TMED3: variants seen among roughly 807,000 people sequenced by gnomAD.
TMED3 encodes transmembrane emp24 domain-containing protein 3.
TMED3 carries 9 observed loss-of-function variants against 15.0 expected under a neutral mutation model. That is an observed-to-expected ratio of 0.60 (90% CI 0.36 to 1.04). The LOEUF is 1.04. Ranked by LOEUF, TMED3 falls within the 50% of genes least tolerant of loss-of-function variation. The probability of loss-of-function intolerance (pLI) is 0.01; values close to 1 mark genes in which losing one functional copy is unlikely to be tolerated. For missense variants in TMED3, 267 were observed against 278.9 expected (o/e 0.96, Z 0.30); for synonymous variants, 117 against 121.4 (o/e 0.96, Z 0.24).
chr15:79,392,859 A>G (rs895344576), intron 2 of TMED3, among the ~76,000 whole-genome samples: 2 of 152,210 alleles, frequency 1.3e-5, no homozygotes, highest in Non-Finnish European at 2.9e-5. Context: ...TTCCAGTGAC[A>G]CAAAGCTAAA....
At chr15:79,344,027 A>G (rs2141230177) in intron 2 of TMED3, among the ~76,000 whole-genome samples, 2 of 152,332 alleles carry the variant, frequency 1.3e-5, no homozygotes, top group Middle Eastern at 6.8e-3. Context: ...ATATGTAGAT[A>G]GAAGGTGAAA....
intron 2 of TMED3, among the ~76,000 whole-genome samples, chr15:79,401,394 A>G (rs4238540): frequency 0.99 from 150,788 of 152,340 alleles, 74,650 homozygotes; most frequent in Middle Eastern, 1. Flanking sequence ...GATGACAGAG[A>G]GTGCATAGGA....
chr15:79,367,814 T>G (rs1440658772), intron 2 of TMED3, among the ~76,000 whole-genome samples: 6 of 152,240 alleles, frequency 3.9e-5, no homozygotes, highest in Admixed American at 2.0e-4. Flanking sequence ...GTTAAATGTC[T>G]TGAAACAGGG....
chr15:79,331,371 G>A (rs188072956), intron 2 of TMED3, among the ~76,000 whole-genome samples: 41 of 151,216 alleles, frequency 2.7e-4, no homozygotes, highest in African/African-American at 1.0e-3. Context: ...AAGAATGAAA[G>A]TAGACCCTTA....
chr15:79,365,902 G>T (rs1374533906), intron 2 of TMED3, among the ~76,000 whole-genome samples: 1 of 152,148 alleles, frequency 6.6e-6, no homozygotes, highest in Non-Finnish European at 1.5e-5. Flanking sequence ...CCATTTGGTG[G>T]GGTCCGAGTT....
intron 2 of TMED3, among the ~76,000 whole-genome samples, chr15:79,404,381 G>A (rs990021730): frequency 2.6e-5 from 4 of 152,192 alleles, no homozygotes; most frequent in Admixed American, 6.5e-5. Context: ...TCACACTGAT[G>A]AGAGGGACCC....
chr15:79,328,406 C>T (rs2058795205), intron 2 of TMED3, among the ~76,000 whole-genome samples: 1 of 152,142 alleles, frequency 6.6e-6, no homozygotes, highest in Non-Finnish European at 1.5e-5. Flanking sequence ...AAAATATTAA[C>T]TAAAATTTAT....
At chr15:79,393,601 T>G (rs779297321) in intron 2 of TMED3, among the ~76,000 whole-genome samples, 59 of 152,246 alleles carry the variant, frequency 3.9e-4, no homozygotes, top group Non-Finnish European at 1.9e-4. Flanking sequence ...ATGATAGGTA[T>G]ATTATAGATT....
At position 79,313,778 on chromosome 15, in the gene TMED3, G is replaced by A. The variant is rs769925654; in HGVS notation, c.190G>A (p.Asp64Asn). 10 of 1,614,112 alleles carry A rather than the reference G, an allele frequency of 6.2e-6. No homozygotes were observed. Among genetic ancestry groups the A allele is most frequent in the East Asian group, 2.2e-5 (1 of 44,888 alleles). The change falls in exon 2 of 3, where the codon GAT (aspartate) becomes AAT (asparagine). Residue 64 changes from aspartate (D) to asparagine (N), a missense_variant. Physicochemically the swap from Asp to Asn is conservative, Grantham distance 23. Around this residue, in one of 3 missense-constraint regions of TMED3, gnomAD observed 69 missense variants for 106.8 expected, o/e 0.65. Coordinates refer to ENST00000299705, the MANE Select transcript of TMED3 (RefSeq NM_007364.4). ...DYQVITGGHYDVDCYVEDPQG... is the reference protein window; with the variant it reads ...DYQVITGGHYNVDCYVEDPQG... ...TCAGGTCATCACTGGAGGCCACTAC[G>A]ATGTTGACTGCTATGTAGAGGACCC...
At chr15:79,345,110 G>A (rs764244717) in intron 2 of TMED3, among the ~76,000 whole-genome samples, 1 of 152,090 alleles carries the variant, frequency 6.6e-6, no homozygotes, top group Non-Finnish European at 1.5e-5. Flanking sequence ...TCCAGACAGG[G>A]AAGAAAAATA....
chr15:79,375,234 C>T (rs1893404396), intron 2 of TMED3, among the ~76,000 whole-genome samples: 1 of 152,108 alleles, frequency 6.6e-6, no homozygotes, highest in Non-Finnish European at 1.5e-5. Flanking sequence ...AGGGTCTGGT[C>T]TGTCCCATGC....
At chr15:79,401,772 A>G (rs1159364266) in intron 2 of TMED3, among the ~76,000 whole-genome samples, 1 of 152,230 alleles carries the variant, frequency 6.6e-6, no homozygotes, top group East Asian at 1.9e-4. Context: ...AGAATCAGAA[A>G]AGAAGATTTT....
chr15:79,324,224 C>T (rs1247689478), downstream of TMED3, among the ~76,000 whole-genome samples: 1 of 152,210 alleles, frequency 6.6e-6, no homozygotes, highest in African/African-American at 2.4e-5. Flanking sequence ...ATCTCCTGAC[C>T]TCGTGATCCG....
intron 2 of TMED3, chr15:79,314,647 G>C: frequency 4.7e-6 from 2 of 428,052 alleles, no homozygotes; most frequent in Non-Finnish European, 9.7e-6. Context: ...ACCTGCTCAT[G>C]TCCCATGGGT....
chr15:79,319,845 A>G (rs1424304291), intron 2 of TMED3, among the ~76,000 whole-genome samples: 1 of 152,246 alleles, frequency 6.6e-6, no homozygotes, highest in African/African-American at 2.4e-5. Context: ...TCTGCATATC[A>G]GAGACTTTTA....
chr15:79,318,213 TG>T (rs10708527), intron 2 of TMED3, among the ~76,000 whole-genome samples: 151,027 of 152,266 alleles, frequency 0.99, 74,916 homozygotes, highest in East Asian at 1. Context: ...ATCTTTCTCC[TG>T]GGGTGTTCCT....
rs1452054494 is a variant in TMED3 at position 79,353,112 on chromosome 15, T to TATAAA, written c.417+39110_417+39111insAAATA. Reference sequence around the variant, plus strand: ...ATATAAATGTATATAAAATATAAAATATATATATAATATATATAAAATATA... The same window carrying TATAAA: ...ATATAAATGTATATAAAATATAAAATATAAAATATATATAATATATATAAAATATA... On this transcript the variant is annotated intron_variant, in intron 2 of 2. Coordinates refer to the TMED3 transcript ENST00000424155. Among the ~76,000 whole-genome samples, 10 of 83,110 alleles carry TATAAA rather than the reference T, an allele frequency of 1.2e-4. No homozygotes were observed. In the East Asian group the frequency reaches 3.5e-3, roughly 29 times the overall value. The allele number at this position is 83,110 out of a possible 152,430, so 54.5% of individuals were successfully genotyped here. A position where few individuals can be genotyped will look rare whatever the true frequency, so the allele number is the denominator to read the frequency against.
At chr15:79,375,861 C>T (rs750027928) in intron 2 of TMED3, among the ~76,000 whole-genome samples, 1 of 152,148 alleles carries the variant, frequency 6.6e-6, no homozygotes, top group Non-Finnish European at 1.5e-5. Context: ...TTTTATGTGA[C>T]ATCAGAAGCC....
At chr15:79,411,300 A>G in intron 2 of TMED3, 1 of 637,200 alleles carries the variant, frequency 1.6e-6, no homozygotes, top group Non-Finnish European at 2.9e-6. Context: ...GGGCTAGGCA[A>G]TCAACAGAAC....
Sources: gnomAD v4.1 joint callset for allele counts (sites outside exome capture counted in the v4.1 genomes callset) on GRCh38, gnomAD v4.1.1 for gene constraint, gnomAD v4.1.1 regional missense constraint, MANE v1.5 for transcripts, NCBI Gene and HGNC (gene_info 2026-07-23, HGNC 2026-07-21) for gene names.